Variants in VRK2 observed in about 807,000 individuals in gnomAD.
The protein encoded by VRK2 is serine/threonine-protein kinase VRK2.
VRK2 carries 60 observed loss-of-function variants against 57.6 expected under a neutral mutation model. The observed-to-expected ratio is 1.04, with a 90% CI of 0.85 to 1.29. The LOEUF is 1.29. Ranked by LOEUF, VRK2 falls within the 50% of genes most tolerant of loss-of-function variation. VRK2 has a pLI of 0.00. For synonymous variants in VRK2, 231 were observed against 199.2 expected (o/e 1.16, Z -1.35); for missense variants, 705 against 588.1 (o/e 1.20, Z -2.06).
rs1055506675 is a variant in VRK2, at chr2:57,957,646, C to A, written c.-439+49807C>A. On this transcript the variant is annotated intron_variant, in intron 1 of 15. Coordinates refer to the VRK2 transcript ENST00000417641. ...TATATTTCTATATATATATATATAT[C>A]CATATAGATATAGACATAGATATTT... is the stretch of plus-strand genomic sequence containing the variant. Among the ~76,000 whole-genome samples, 77 of 139,094 alleles carry A rather than the reference C, an allele frequency of 5.5e-4. 1 individual carries two copies. Among genetic ancestry groups the A allele is most frequent in the African/African-American group, 2.0e-3 (71 of 35,972 alleles). 91.3% of individuals were successfully genotyped at this position (139,094 alleles called of 152,430 possible). A position where few individuals can be genotyped will look rare whatever the true frequency, so the allele number is the denominator to read the frequency against.
intron 1 of VRK2, among the ~76,000 whole-genome samples, chr2:57,921,358 C>T (rs1572862154): frequency 6.6e-6 from 1 of 151,690 alleles, no homozygotes. Flanking sequence ...CTTTGCCTCA[C>T]CAAACAGTTG....
intron 10 of VRK2, among the ~76,000 whole-genome samples, chr2:58,139,111 G>A (rs1276346024): frequency 6.6e-6 from 1 of 152,084 alleles, no homozygotes; most frequent in Admixed American, 6.6e-5. Flanking sequence ...AGGCTAGCTA[G>A]GTATGGAGGA....
At chr2:58,031,836 A>G (rs1273140020) in intron 2 of VRK2, among the ~76,000 whole-genome samples, 1 of 152,068 alleles carries the variant, frequency 6.6e-6, no homozygotes. Flanking sequence ...CACTCATACA[A>G]ACGAAAAAAA....
intron 2 of VRK2, among the ~76,000 whole-genome samples, chr2:58,062,150 G>T (rs918453661): frequency 5.3e-5 from 8 of 151,920 alleles, no homozygotes; most frequent in African/African-American, 1.9e-4. Flanking sequence ...TATTATATCT[G>T]TTACGGTGAT....
At chr2:57,961,113 G>A (rs1200872148) in intron 1 of VRK2, among the ~76,000 whole-genome samples, 1 of 152,160 alleles carries the variant, frequency 6.6e-6, no homozygotes, top group Non-Finnish European at 1.5e-5. Flanking sequence ...AAATACATAT[G>A]TATTAATATC....
intron 10 of VRK2, among the ~76,000 whole-genome samples, chr2:58,135,785 T>G (rs1172000104): frequency 6.6e-6 from 1 of 152,180 alleles, no homozygotes; most frequent in Non-Finnish European, 1.5e-5. Context: ...CAATACATAT[T>G]GTATAAAATA....
intron 2 of VRK2, among the ~76,000 whole-genome samples, chr2:58,052,666 G>A (rs890544313): frequency 2.6e-4 from 40 of 151,794 alleles, no homozygotes; most frequent in African/African-American, 9.0e-4. Flanking sequence ...CCATTGGAAG[G>A]GTGGATTTTC....
chr2:57,948,521 T>C (rs539199142), intron 1 of VRK2, among the ~76,000 whole-genome samples: 1 of 152,320 alleles, frequency 6.6e-6, no homozygotes, highest in Admixed American at 6.5e-5. Context: ...GCAAAGAAGC[T>C]TTTCTTGTTT....
chr2:58,087,973 G>GCTC (rs1671868518), intron 5 of VRK2, among the ~76,000 whole-genome samples: 1 of 152,032 alleles, frequency 6.6e-6, no homozygotes, highest in African/African-American at 2.4e-5. Context: ...GTGACAGAGC[G>GCTC]GGACTCTGTC....
intron 8 of VRK2, among the ~76,000 whole-genome samples, chr2:58,125,896 T>C (rs1223028982): frequency 6.6e-6 from 1 of 152,102 alleles, no homozygotes; most frequent in African/African-American, 2.4e-5. Context: ...TCCTATGTTT[T>C]ACATTTAATT....
chr2:58,108,826 C>G (rs1675133731), intron 7 of VRK2, among the ~76,000 whole-genome samples: 1 of 152,174 alleles, frequency 6.6e-6, no homozygotes, highest in Admixed American at 6.5e-5. Context: ...GAAAATAACT[C>G]AGAACTTCTG....
chr2:58,113,533 G>A (rs1162201393), intron 7 of VRK2, among the ~76,000 whole-genome samples: 1 of 152,108 alleles, frequency 6.6e-6, no homozygotes, highest in Non-Finnish European at 1.5e-5. Context: ...CAAAAAGAGA[G>A]TCAGCGAAGG....
chr2:58,067,616 T>A (rs1186490292), intron 2 of VRK2, among the ~76,000 whole-genome samples: 2 of 152,084 alleles, frequency 1.3e-5, no homozygotes, highest in Admixed American at 1.3e-4. Flanking sequence ...GACTTCTGGT[T>A]ATTTTCTTTA....
chr2:58,053,743 T>G (rs961192874), intron 2 of VRK2, among the ~76,000 whole-genome samples: 1 of 152,130 alleles, frequency 6.6e-6, no homozygotes, highest in Non-Finnish European at 1.5e-5. Flanking sequence ...TAAGTGTTAT[T>G]TTGGTAGTGT....
exon 3 of VRK2, chr2:58,033,424 G>T (rs1405169976): frequency 6.6e-6 from 1 of 152,052 alleles, no homozygotes; most frequent in East Asian, 1.9e-4. Flanking sequence ...GGAAGATGGG[G>T]ACACAAGTCA....
chr2:58,030,205 C>A (rs377414025), intron 2 of VRK2, among the ~76,000 whole-genome samples: 1 of 152,046 alleles, frequency 6.6e-6, no homozygotes, highest in Non-Finnish European at 1.5e-5. Context: ...CATATTGCTG[C>A]TTTTTCCTCA....
At chr2:58,068,032 C>T (rs544616633) in intron 2 of VRK2, among the ~76,000 whole-genome samples, 14 of 152,000 alleles carry the variant, frequency 9.2e-5, no homozygotes, top group Admixed American at 3.9e-4. Context: ...TGGGTTCAAG[C>T]AATTCCCCTG....
At position 58,095,710 on chromosome 2, in the gene VRK2, A is replaced by G. The variant is rs74840946; in HGVS notation, c.543+5987A>G. On this transcript the variant is annotated intron_variant, in intron 7 of 12. Coordinates refer to ENST00000340157, the MANE Select transcript of VRK2 (RefSeq NM_006296.7). ...AGAAAACTGTCATATGCAAGTAGATACAGTAGTTTTTCTTCTTTTACAGTT... is the reference window on the plus strand; with the variant it reads ...AGAAAACTGTCATATGCAAGTAGATGCAGTAGTTTTTCTTCTTTTACAGTT... Among the ~76,000 whole-genome samples, 150 of 152,270 alleles carry G rather than the reference A, an allele frequency of 9.9e-4. 2 individuals carry two copies. In the East Asian group the frequency reaches 0.026, roughly 26 times the overall value.
At chr2:58,125,976 C>T (rs1444314109) in intron 8 of VRK2, among the ~76,000 whole-genome samples, 1 of 151,870 alleles carries the variant, frequency 6.6e-6, no homozygotes, top group Non-Finnish European at 1.5e-5. Context: ...TATCTAGAAA[C>T]CAGAATAAAC....
Sources: gnomAD v4.1 joint callset for allele counts (sites outside exome capture counted in the v4.1 genomes callset) on GRCh38, gnomAD v4.1.1 for gene constraint, MANE v1.5 for transcripts, NCBI Gene and HGNC (gene_info 2026-07-23, HGNC 2026-07-21) for gene names.